Variants in NUTM2G observed in about 807,000 individuals in gnomAD.
The protein encoded by NUTM2G is NUT family member 2G, also known as family with sequence similarity 22, member G.
In NUTM2G, 29 loss-of-function variants were observed where a neutral mutation model predicts 44.3. The ratio of observed to expected loss-of-function variants is 0.66; its 90% CI spans 0.49 to 0.89. The LOEUF (loss-of-function observed/expected upper bound fraction) is 0.89, where lower values mean the gene tolerates loss of function less well. Ranked by LOEUF, NUTM2G falls within the 40% of genes least tolerant of loss-of-function variation. The pLI, the probability that NUTM2G is intolerant of heterozygous loss-of-function variation, is 0.00. For synonymous variants in NUTM2G, 205 were observed against 395.9 expected (o/e 0.52, Z 5.72); for missense variants, 502 against 946.5 (o/e 0.53, Z 6.16).
intron 1 of NUTM2G, 66 bp from the exon 2 acceptor site, chr9:96,931,656 A>T: frequency 6.3e-7 from 1 of 1,591,194 alleles, no homozygotes. Flanking sequence ...GACTCCCCTG[A>T]TTCCCCAGTG....
At chr9:96,930,764 C>T (rs1398574419) in intron 1 of NUTM2G, among the ~76,000 whole-genome samples, 2 of 149,820 alleles carry the variant, frequency 1.3e-5, no homozygotes, top group Non-Finnish European at 2.9e-5. Context: ...CCCTATTTAA[C>T]ACTTGTGTGG....
chr9:96,936,534 C>A lies in NUTM2G; in HGVS notation c.952C>A (p.Pro318Thr), dbSNP rs1299412085. The part of the protein sequence containing the change: ...PAPPRLEPRG[P>T]PAPEVVKQPV... The stretch of plus-strand genomic sequence containing the variant: ...CCCGCCGAGGCTTGAACCTCGAGGA[C>A]CCCCTGCCCCTGAGGTGGTCAAGCA... The change falls in exon 4 of 7, where the codon CCC becomes ACC. Residue 318 changes from proline to threonine, a missense_variant. By Grantham distance (38) the Pro-to-Thr change is conservative. Coordinates refer to ENST00000372322, the MANE Select transcript of NUTM2G (RefSeq NM_001170741.3). The A allele has an allele frequency of 3.9e-6, 6 of 1,554,254 alleles. No homozygotes were observed. Among genetic ancestry groups the A allele is most frequent in the South Asian group, 1.2e-5 (1 of 85,608 alleles).
At chr9:96,933,165 A>G (rs1211527689) in intron 2 of NUTM2G, among the ~76,000 whole-genome samples, 1 of 148,354 alleles carries the variant, frequency 6.7e-6, no homozygotes, top group East Asian at 2.0e-4. Flanking sequence ...TTTTTAGTAG[A>G]GACGGGGTTT....
chr9:96,939,000 G>GT lies in NUTM2G; in HGVS notation c.2077_2078insT (p.Ala693ValfsTer2), dbSNP rs1272356235. On this transcript the variant is annotated frameshift_variant, in exon 7 of 7. Transcript: ENST00000372322. LOFTEE classifies it low-confidence loss of function (END_TRUNC). Reference sequence around the variant, plus strand: ...ACCTCTCTTTGGAAGCCCATCCCCTGCTGAAAAGACACCGCACCCAGGGCC... The same window carrying GT: ...ACCTCTCTTTGGAAGCCCATCCCCTGTCTGAAAAGACACCGCACCCAGGGCC... The GT allele has an allele frequency of 2.7e-6, 4 of 1,504,406 alleles. No homozygotes were observed. The highest frequency in any genetic ancestry group is 3.5e-6 in the Non-Finnish European group (4 of 1,134,456). The allele number at this position is 1,504,406 out of a possible 1,614,324, so 93.2% of individuals were successfully genotyped here. A position where few individuals can be genotyped will look rare whatever the true frequency, so the allele number is the denominator to read the frequency against.
chr9:96,936,367 T>C, intron 3 of NUTM2G, 58 bp from the exon 4 acceptor site: 1 of 1,542,228 alleles, frequency 6.5e-7, no homozygotes. Context: ...TGCTGCCTGG[T>C]CCTGGGGGGA....
At chr9:96,933,182 G>T (rs572003926) in intron 2 of NUTM2G, among the ~76,000 whole-genome samples, 67 of 149,848 alleles carry the variant, frequency 4.5e-4, no homozygotes, top group Non-Finnish European at 7.3e-4. Flanking sequence ...GTTTCACCAT[G>T]TTAGCCAGGA....
rs759185496 is a variant in NUTM2G at position 96,931,825 on chromosome 9, G to A, written c.120G>A (p.Arg40=). ...FATPSPGPTH[R]PPLVTAVVPP... is the part of the protein sequence containing the mutation. ...CACCCTCTCCCGGCCCAACACACAGGCCGCCCCTCGTGACTGCAGTGGTTC... is the reference window on the plus strand; with the variant it reads ...CACCCTCTCCCGGCCCAACACACAGACCGCCCCTCGTGACTGCAGTGGTTC... Residue 40 remains arginine, a synonymous_variant, in exon 2 of 7, where the codon AGG becomes AGA. Coordinates refer to ENST00000372322, the MANE Select transcript of NUTM2G (RefSeq NM_001170741.3). 1.2e-6 allele frequency: 2 copies of A among 1,612,164 alleles called. No individual in the cohort carries two copies. Among genetic ancestry groups the A allele is most frequent in the Non-Finnish European group, 1.7e-6 (2 of 1,179,846 alleles).
chr9:96,935,535 T>C (rs1478156513), intron 3 of NUTM2G, 79 bp downstream of exon 3: 1 of 1,610,930 alleles, frequency 6.2e-7, no homozygotes, highest in East Asian at 2.2e-5. Context: ...CGTGGTGGCT[T>C]CTCAGCGTGG....
At chr9:96,940,586 G>T (rs1295270061), downstream of NUTM2G, among the ~76,000 whole-genome samples, 1 of 150,542 alleles carries the variant, frequency 6.6e-6, no homozygotes, top group Non-Finnish European at 1.5e-5. Context: ...TCTGAGTTCT[G>T]ATTCCTCTCC....
Position 96,931,880 on chromosome 9 carries a change from T to C in NUTM2G, c.175T>C (p.Phe59Leu), listed in dbSNP as rs771466273. The change falls in exon 2 of 7, where the codon TTC (phenylalanine) becomes CTC (leucine). Residue 59 changes from phenylalanine to leucine, a missense_variant. Physicochemically the swap from Phe to Leu is conservative, Grantham distance 22. Coordinates refer to ENST00000372322, the MANE Select transcript of NUTM2G (RefSeq NM_001170741.3). ...PPAGPLVLSA[F>L]PSTPLVAGQD... ...AGCCGGCCCTCTGGTGCTCTCTGCC[T>C]TCCCCAGCACCCCTCTAGTGGCAGG... is the stretch of plus-strand genomic sequence containing the variant. The C allele has an allele frequency of 1.2e-6, 2 of 1,612,400 alleles. No individual in the cohort carries two copies. The highest frequency in any genetic ancestry group is 1.7e-6 in the Non-Finnish European group (2 of 1,179,840).
chr9:96,931,565 T>C (rs1293505245), intron 1 of NUTM2G, among the ~76,000 whole-genome samples, 157 bp from the exon 2 acceptor site: 3 of 151,604 alleles, frequency 2.0e-5, no homozygotes, highest in African/African-American at 7.3e-5. Flanking sequence ...GACTCTGCCG[T>C]GGAGGAACAG....
Position 96,931,751 on chromosome 9 carries a change from G to A in NUTM2G, c.46G>A (p.Val16Met), listed in dbSNP as rs372873745. ...CCCAGTGCTGGGACCCGGCGTGACC[G>A]TGAACCCTGGCACCTCCCTGTCTGT... is the stretch of plus-strand genomic sequence containing the variant. ...AYPVLGPGVT[V>M]NPGTSLSVFT... Residue 16 changes from valine to methionine, a missense_variant, in exon 2 of 7, where the codon GTG (valine) becomes ATG (methionine). Val to Met is a conservative substitution (Grantham distance 21). Transcript: ENST00000372322. The A allele has an allele frequency of 1.4e-5, 22 of 1,611,342 alleles. No homozygotes were observed. The highest frequency in any genetic ancestry group is 9.4e-5 in the African/African-American group (7 of 74,450).
At chr9:96,930,534 A>G (rs1467669858) in intron 1 of NUTM2G, among the ~76,000 whole-genome samples, 3 of 147,886 alleles carry the variant, frequency 2.0e-5, no homozygotes, top group Non-Finnish European at 4.5e-5. Flanking sequence ...AAAAAAAAAA[A>G]AAAAGAAAAA....
chr9:96,930,964 G>A (rs1330295302), intron 1 of NUTM2G, among the ~76,000 whole-genome samples: 11 of 132,594 alleles, frequency 8.3e-5, no homozygotes, highest in East Asian at 4.7e-4. Flanking sequence ...GCACGATCTC[G>A]GCTCACTGCA....
intron 1 of NUTM2G, 131 bp from the exon 2 acceptor site, chr9:96,931,591 C>T (rs1588199355): frequency 7.7e-6 from 6 of 777,548 alleles, no homozygotes; most frequent in Non-Finnish European, 1.1e-5. Context: ...CTGATGCACA[C>T]TCAGGGACAC....
rs756328664 is a variant in NUTM2G at position 96,931,921 on chromosome 9, C to G, written c.216C>G (p.Gly72=). The change falls in exon 2 of 7, where the codon GGC becomes GGG. Residue 72 remains glycine (G), a synonymous_variant. Transcript: ENST00000372322. ...TPLVAGQDGR[G]PSGAGASNVF... ...TAGTGGCAGGACAGGATGGCCGCGG[C>G]CCAAGTGGGGCTGGGGCTTCCAACG... 16 of 1,612,002 alleles carry G rather than the reference C, an allele frequency of 9.9e-6. No homozygotes were observed. The African/African-American group carries it at 1.5e-4, about 15-fold the overall frequency.
intron 4 of NUTM2G, 30 bp from the exon 5 acceptor site, chr9:96,937,034 C>G (rs1341704403): frequency 3.2e-6 from 5 of 1,567,754 alleles, no homozygotes; most frequent in Non-Finnish European, 4.3e-6. Context: ...CGGCCCTCAC[C>G]ACACCCATCC....
rs751883281 is a variant in NUTM2G, at chr9:96,937,326, A to G, written c.1245A>G (p.Glu415=). 7.4e-6 allele frequency: 12 copies of G among 1,613,822 alleles called. No homozygotes were observed. The highest frequency in any genetic ancestry group is 1.1e-5 in the South Asian group (1 of 91,070). ...REKGKVEQPQ[E]EDGMTSDPGL... ...AGGGCAAAGTGGAGCAGCCGCAGGA[A>G]GAGGACGGGATGACCTCAGACCCGG... The change falls in exon 5 of 7, where the codon GAA becomes GAG. Residue 415 remains glutamate (E), a synonymous_variant. Coordinates refer to ENST00000372322, the MANE Select transcript of NUTM2G (RefSeq NM_001170741.3).
rs767743102 is a variant in NUTM2G at position 96,937,386 on chromosome 9, G to A, written c.1305G>A (p.Gln435=). ...LLSYIDKLCS[Q]EDFVTKVEAV... is the part of the protein sequence containing the mutation. ...GCTACATTGACAAGCTGTGTTCCCAGGAAGACTTTGTCACCAAGGTGGGCT... is the reference window on the plus strand; with the variant it reads ...GCTACATTGACAAGCTGTGTTCCCAAGAAGACTTTGTCACCAAGGTGGGCT... Residue 435 remains glutamine (Q), a synonymous_variant, in exon 5 of 7, where the codon CAG becomes CAA. Transcript: ENST00000372322. 10 of 1,613,628 alleles carry A rather than the reference G, an allele frequency of 6.2e-6. No homozygotes were observed. Among genetic ancestry groups the A allele is most frequent in the Non-Finnish European group, 8.5e-6 (10 of 1,179,830 alleles).
Sources: allele counts gnomAD v4.1 joint callset (sites outside exome capture counted in the v4.1 genomes callset), GRCh38; gene constraint gnomAD v4.1.1; transcripts MANE v1.5; gene names NCBI Gene and HGNC (gene_info 2026-07-23, HGNC 2026-07-21).